Variants in HDHD5 observed in about 807,000 individuals in gnomAD.
HDHD5 encodes the protein haloacid dehalogenase like hydrolase domain containing 5.
Under a neutral mutation model 35.5 loss-of-function variants are expected in HDHD5, and 34 were observed. The ratio of observed to expected loss-of-function variants is 0.96; its 90% CI spans 0.73 to 1.28. The LOEUF (loss-of-function observed/expected upper bound fraction) is 1.28, where lower values mean the gene tolerates loss of function less well. HDHD5 is among the 50% of genes most tolerant of loss of function. The pLI is 0.00. For missense variants in HDHD5, 589 were observed against 560.2 expected (o/e 1.05, Z -0.52); for synonymous variants, 248 against 240.6 (o/e 1.03, Z -0.29).
At position 17,149,598 on chromosome 22, in the gene HDHD5, C is replaced by T; in HGVS notation, c.274G>A (p.Gly92Arg). 1 of 1,613,098 alleles carries T rather than the reference C, an allele frequency of 6.2e-7. No individual in the cohort carries two copies. Among genetic ancestry groups the T allele is most frequent in the Non-Finnish European group, 8.5e-7 (1 of 1,180,002 alleles). ...RVPVVFVTNA[G>R]NILQHSKAQE... is the part of the protein sequence containing the mutation. Reference sequence around the variant, plus strand: ...GCTTTGCTGTGTTGTAAGATGTTCCCAGCATTTGTAACAAAAACCACGGGC... The same window carrying T: ...GCTTTGCTGTGTTGTAAGATGTTCCTAGCATTTGTAACAAAAACCACGGGC... The change falls in exon 2 of 8, where the codon GGG (glycine) becomes AGG (arginine). Residue 92 changes from glycine (G) to arginine (R), a missense_variant. Physicochemically the swap from Gly to Arg is moderately radical, Grantham distance 125. Transcript: ENST00000336737.
rs746836021 is a variant in HDHD5 at position 17,148,513 on chromosome 22, G to A, written c.378C>T (p.Phe126=). 1.9e-6 allele frequency: 3 copies of A among 1,614,236 alleles called. No individual in the cohort carries two copies. Among genetic ancestry groups the A allele is most frequent in the Non-Finnish European group, 2.5e-6 (3 of 1,180,052 alleles). The change falls in exon 3 of 8, where the codon TTC becomes TTT. Residue 126 remains phenylalanine (F), a synonymous_variant. Coordinates refer to ENST00000336737, the MANE Select transcript of HDHD5 (RefSeq NM_033070.3). ...GCATCCGCTTCTCATGGTACTCGGA[G>A]AAGAGCTTCATGGGGCTGTGAGAGA... is the stretch of plus-strand genomic sequence containing the variant. ...VILSHSPMKL[F]SEYHEKRMLV...
chr22:17,146,190 T>C (rs1170987769), intron 3 of HDHD5, among the ~76,000 whole-genome samples: 1 of 152,034 alleles, frequency 6.6e-6, no homozygotes, highest in Admixed American at 6.6e-5. Flanking sequence ...AACCTCCTAC[T>C]TCCCCTGCTT....
In HDHD5 at chr22:17,149,556, G is replaced by C. The variant is rs1241810396; in HGVS notation, c.316C>G (p.Leu106Val). 6.2e-7 allele frequency: 1 copy of C among 1,612,274 alleles called. No individual in the cohort carries two copies. The highest frequency in any genetic ancestry group is 2.2e-5 in the East Asian group (1 of 44,874). Residue 106 changes from leucine (L) to valine (V), a missense_variant, in exon 2 of 8, where the codon CTG (leucine) becomes GTG (valine). By Grantham distance (32) the Leu-to-Val change is conservative (BLOSUM62 1). Coordinates refer to ENST00000336737, the MANE Select transcript of HDHD5 (RefSeq NM_033070.3). ...QHSKAQELSA[L>V]LGCEVDADQV... ...TGCCTTCTCACCTCGCACCCCAGCA[G>C]GGCTGACAGCTCCTGGGCTTTGCTG...
rs2061690365 is a variant in HDHD5, at chr22:17,148,495, C to A, written c.396G>T (p.Lys132Asn). The change falls in exon 3 of 8, where the codon AAG becomes AAT. Residue 132 changes from lysine to asparagine, a missense_variant. Lys to Asn is a moderately conservative substitution (Grantham distance 94). Coordinates refer to ENST00000336737, the MANE Select transcript of HDHD5 (RefSeq NM_033070.3). Reference sequence around the variant, plus strand: ...GCCCCTGTCCAGACACCAGCATCCGCTTCTCATGGTACTCGGAGAAGAGCT... The same window carrying A: ...GCCCCTGTCCAGACACCAGCATCCGATTCTCATGGTACTCGGAGAAGAGCT... ...PMKLFSEYHE[K>N]RMLVSGQGPV... 1.9e-6 allele frequency: 3 copies of A among 1,614,222 alleles called. No homozygotes were observed. The highest frequency in any genetic ancestry group is 2.7e-5 in the African/African-American group (2 of 75,056).
At chr22:17,164,933 C>T (rs3815481) in intron 1 of HDHD5, among the ~76,000 whole-genome samples, 24,518 of 152,152 alleles carry the variant, frequency 0.16, 2,076 homozygotes, top group Middle Eastern at 0.21. Flanking sequence ...GGATGGCCAA[C>T]AGGCCACAGA....
At chr22:17,163,787 G>A (rs2123888007), upstream of HDHD5, among the ~76,000 whole-genome samples, 1 of 152,198 alleles carries the variant, frequency 6.6e-6, no homozygotes, top group East Asian at 1.9e-4. Flanking sequence ...AAGATACACT[G>A]TGGGAAGTTC....
chr22:17,156,564 T>C (rs773788188), intron 1 of HDHD5, among the ~76,000 whole-genome samples: 1 of 151,804 alleles, frequency 6.6e-6, no homozygotes. Context: ...ATCACGAGGT[T>C]AGGAGATCGA....
intron 1 of HDHD5, among the ~76,000 whole-genome samples, chr22:17,157,510 C>T (rs118034155): frequency 8.3e-4 from 126 of 152,298 alleles, no homozygotes; most frequent in Non-Finnish European, 1.5e-3. Flanking sequence ...AATTCTAAAG[C>T]TCGTGCTCAA....
upstream of HDHD5, among the ~76,000 whole-genome samples, chr22:17,160,004 C>T (rs559369303): frequency 3.3e-5 from 5 of 152,332 alleles, no homozygotes; most frequent in African/African-American, 1.2e-4. Flanking sequence ...TCCGTGGAGG[C>T]CCTTAGCAGA....
chr22:17,141,534 C>T, intron 5 of HDHD5: 1 of 1,201,014 alleles, frequency 8.3e-7, no homozygotes, highest in Non-Finnish European at 1.0e-6. Flanking sequence ...TCCTTGCTGG[C>T]TGGGACTCTG....
In HDHD5 at chr22:17,159,180, A is replaced by T; in HGVS notation, c.72T>A (p.Ala24=). ...RGLCWRAARA[A]AGLQGRPARR... is the part of the protein sequence containing the mutation. ...GGGCGGGGCGGCCCTGGAGCCCCGC[A>T]GCCGCGCGCGCCGCCCGCCAGCAAA... is the stretch of plus-strand genomic sequence containing the variant. Residue 24 remains alanine (A), a synonymous_variant, in exon 1 of 8, where the codon GCT becomes GCA. Transcript: ENST00000336737. 3 of 1,213,986 alleles carry T rather than the reference A, an allele frequency of 2.5e-6. No individual in the cohort carries two copies. Among genetic ancestry groups the T allele is most frequent in the Non-Finnish European group, 3.1e-6 (3 of 975,688 alleles). 75.2% of individuals were successfully genotyped at this position (1,213,986 alleles called of 1,614,324 possible). A position where few individuals can be genotyped will look rare whatever the true frequency, so the allele number is the denominator to read the frequency against.
At chr22:17,152,046 T>A (rs1445019546) in intron 1 of HDHD5, among the ~76,000 whole-genome samples, 1 of 152,130 alleles carries the variant, frequency 6.6e-6, no homozygotes. Context: ...CCTGCCTACC[T>A]GGTTCAATGA....
chr22:17,149,387 A>G (rs538853982), intron 2 of HDHD5, among the ~76,000 whole-genome samples, 155 bp downstream of exon 2: 12 of 152,354 alleles, frequency 7.9e-5, no homozygotes, highest in African/African-American at 2.9e-4. Flanking sequence ...TACAACTGCC[A>G]AATACACAGG....
intron 1 of HDHD5, among the ~76,000 whole-genome samples, chr22:17,150,708 G>A (rs1034861): frequency 0.19 from 29,152 of 152,014 alleles, 3,623 homozygotes; most frequent in East Asian, 0.49. Flanking sequence ...TAGTGGAGAC[G>A]AGGTTATGCC....
At chr22:17,144,472 G>T (rs1302725615) in intron 4 of HDHD5, among the ~76,000 whole-genome samples, 3 of 147,988 alleles carry the variant, frequency 2.0e-5, no homozygotes, top group Non-Finnish European at 4.4e-5. Flanking sequence ...GGAGTGCAAT[G>T]GTGTGATGTC....
At position 17,138,032 on chromosome 22, in the gene HDHD5, C is replaced by G. The variant is rs1262587668; in HGVS notation, c.1261G>C (p.Ala421Pro). The G allele has an allele frequency of 1.9e-6, 3 of 1,612,292 alleles. No individual in the cohort carries two copies. In the African/African-American group the frequency reaches 4.0e-5, roughly 21 times the overall value. The change falls in exon 8 of 8, where the codon GCT becomes CCT. Residue 421 changes from alanine (A) to proline (P), a missense_variant. By Grantham distance (27) the Ala-to-Pro change is conservative (BLOSUM62 -1). Transcript: ENST00000336737. ...CCACCGCACTGCCCTCACTCCAAAG[C>G]CCAGCCCTCCTTGCGGAAGACCAGC... is the stretch of plus-strand genomic sequence containing the variant. The part of the protein sequence containing the change: ...VQLVFRKEGW[A>P]LE
intron 4 of HDHD5, among the ~76,000 whole-genome samples, 196 bp downstream of exon 4, chr22:17,144,828 G>A (rs1249920369): frequency 2.6e-5 from 4 of 152,072 alleles, no homozygotes; most frequent in Non-Finnish European, 1.5e-5. Flanking sequence ...TGGGATTACA[G>A]GTGTAAGCCA....
intron 6 of HDHD5, among the ~76,000 whole-genome samples, chr22:17,139,014 A>G (rs2061568379): frequency 6.6e-6 from 1 of 152,230 alleles, no homozygotes; most frequent in South Asian, 2.1e-4. Context: ...ATTACAACTC[A>G]GTCTGACTCC....
chr22:17,141,128 G>C lies in HDHD5; in HGVS notation c.677C>G (p.Pro226Arg). ...GSPGAGLATP[P>R]YPHLPVLASN... ...GGCTAGGACGGGGAGGTGGGGGTAG[G>C]GGGGTGTTGCCAGGCCAGCCCCAGG... The change falls in exon 6 of 8, where the codon CCC (proline) becomes CGC (arginine). Residue 226 changes from proline to arginine, a missense_variant. By Grantham distance (103) the Pro-to-Arg change is moderately radical. Transcript: ENST00000336737. The C allele has an allele frequency of 6.3e-7, 1 of 1,596,576 alleles. No homozygotes were observed. Among genetic ancestry groups the C allele is most frequent in the Non-Finnish European group, 8.5e-7 (1 of 1,173,180 alleles).
Sources: allele counts gnomAD v4.1 joint callset (sites outside exome capture counted in the v4.1 genomes callset), GRCh38; gene constraint gnomAD v4.1.1; transcripts MANE v1.5; gene names NCBI Gene and HGNC (gene_info 2026-07-23, HGNC 2026-07-21).